XKR9: variants seen among roughly 807,000 people sequenced by gnomAD.
XKR9 encodes XK related 9.
In XKR9, 32 loss-of-function variants were observed where a neutral mutation model predicts 32.0. The observed-to-expected ratio is 1.00, with a 90% CI of 0.76 to 1.34. The LOEUF (loss-of-function observed/expected upper bound fraction) is 1.34, where lower values mean the gene tolerates loss of function less well. Ranked by LOEUF, XKR9 falls within the 40% of genes most tolerant of loss-of-function variation. The pLI is 0.00. For synonymous variants in XKR9, 168 were observed against 143.4 expected (o/e 1.17, Z -1.22); for missense variants, 546 against 429.7 (o/e 1.27, Z -2.39).
At chr8:70,718,187 T>G (rs1035086335) in intron 4 of XKR9, among the ~76,000 whole-genome samples, 2 of 152,188 alleles carry the variant, frequency 1.3e-5, no homozygotes, top group East Asian at 1.9e-4. Context: ...TTTCCTATCT[T>G]CTTCAGAGCC....
chr8:70,778,283 T>A (rs564090264), intron 2 of XKR9, among the ~76,000 whole-genome samples: 3 of 152,202 alleles, frequency 2.0e-5, no homozygotes, highest in Non-Finnish European at 4.4e-5. Flanking sequence ...TTCTGAGGCC[T>A]CTGTTCTGTG....
intron 2 of XKR9, among the ~76,000 whole-genome samples, chr8:70,778,817 G>A (rs1312701491): frequency 6.6e-6 from 1 of 152,188 alleles, no homozygotes; most frequent in Non-Finnish European, 1.5e-5. Flanking sequence ...AGACTTTGCT[G>A]ACGTTGCTTA....
Position 70,733,892 on chromosome 8 carries a change from A to G in XKR9, c.590A>G (p.Asn197Ser). The change falls in exon 5 of 5, where the codon AAT becomes AGT. Residue 197 changes from asparagine (N) to serine (S), a missense_variant. Coordinates refer to ENST00000408926, the MANE Select transcript of XKR9 (RefSeq NM_001011720.2). ...RKSLPDKKLLNGLCPKITYLF... is the reference protein window; with the variant it reads ...RKSLPDKKLLSGLCPKITYLF... Reference sequence around the variant, plus strand: ...TCCTTGCCTGACAAAAAGCTTCTTAATGGATTATGTCCCAAAATCACATAT... The same window carrying G: ...TCCTTGCCTGACAAAAAGCTTCTTAGTGGATTATGTCCCAAAATCACATAT... The G allele has an allele frequency of 6.2e-7, 1 of 1,612,168 alleles. No individual in the cohort carries two copies. Among genetic ancestry groups the G allele is most frequent in the South Asian group, 1.1e-5 (1 of 90,148 alleles).
chr8:70,821,433 A>T, the XKR9 span, among the ~76,000 whole-genome samples: 12 of 152,260 alleles, frequency 7.9e-5, no homozygotes, highest in East Asian at 2.1e-3. Flanking sequence ...TGTCTGGAGG[A>T]TGGTGACTCT....
chr8:70,981,911 T>G, the XKR9 span, among the ~76,000 whole-genome samples: 1 of 152,242 alleles, frequency 6.6e-6, no homozygotes, highest in African/African-American at 2.4e-5. Flanking sequence ...GCTTTTGGTC[T>G]TCTGGGTCTA....
At chr8:70,822,599 G>A in the XKR9 span, among the ~76,000 whole-genome samples, 1 of 150,972 alleles carries the variant, frequency 6.6e-6, no homozygotes. Context: ...AAAAGCAATA[G>A]GTTCAGATTT....
At chr8:70,988,383 A>G in the XKR9 span, among the ~76,000 whole-genome samples, 11 of 152,218 alleles carry the variant, frequency 7.2e-5, no homozygotes, top group African/African-American at 2.6e-4. Context: ...CAAATAAAAC[A>G]AAATAAATAA....
the XKR9 span, among the ~76,000 whole-genome samples, chr8:70,978,281 T>A: frequency 6.6e-6 from 1 of 152,200 alleles, no homozygotes; most frequent in African/African-American, 2.4e-5. Flanking sequence ...GCCATTATGA[T>A]GTTAGCTGGT....
At chr8:70,984,261 C>A in the XKR9 span, among the ~76,000 whole-genome samples, 1 of 152,184 alleles carries the variant, frequency 6.6e-6, no homozygotes, top group African/African-American at 2.4e-5. Flanking sequence ...GTAGGCAATT[C>A]TGCTGTCTGC....
At chr8:70,973,670 T>G in the XKR9 span, among the ~76,000 whole-genome samples, 1 of 152,164 alleles carries the variant, frequency 6.6e-6, no homozygotes, top group Non-Finnish European at 1.5e-5. Flanking sequence ...CCACTATTAT[T>G]ACTCAGTTCA....
At chr8:70,789,634 T>C (rs1807737260) in intron 3 of XKR9, among the ~76,000 whole-genome samples, 1 of 152,126 alleles carries the variant, frequency 6.6e-6, no homozygotes, top group South Asian at 2.1e-4. Flanking sequence ...TACACTTTTC[T>C]AAATATTGGC....
At chr8:70,840,908 T>A in the XKR9 span, among the ~76,000 whole-genome samples, 4 of 152,304 alleles carry the variant, frequency 2.6e-5, no homozygotes, top group South Asian at 2.1e-4. Flanking sequence ...AATGGTTATA[T>A]CAAACTGAAA....
chr8:71,016,910 A>G, the XKR9 span, among the ~76,000 whole-genome samples: 1 of 152,194 alleles, frequency 6.6e-6, no homozygotes, highest in East Asian at 1.9e-4. Context: ...AGATATAATT[A>G]ATAGAATGCC....
At chr8:70,673,176 A>G (rs1432676400) in intron 1 of XKR9, among the ~76,000 whole-genome samples, 4 of 152,156 alleles carry the variant, frequency 2.6e-5, no homozygotes, top group African/African-American at 7.2e-5. Flanking sequence ...ATTTTCTTCT[A>G]GTAGTTTTAT....
the XKR9 span, among the ~76,000 whole-genome samples, chr8:70,972,802 T>C: frequency 6.6e-6 from 1 of 152,200 alleles, no homozygotes; most frequent in South Asian, 2.1e-4. Context: ...CCTGCATCCC[T>C]GGTATGAAAC....
the XKR9 span, among the ~76,000 whole-genome samples, chr8:70,821,660 T>A: frequency 6.6e-6 from 1 of 152,216 alleles, no homozygotes; most frequent in Non-Finnish European, 1.5e-5. Context: ...GCCTTCACGA[T>A]CAACATCACA....
the XKR9 span, among the ~76,000 whole-genome samples, chr8:70,903,261 G>C: frequency 1.3e-5 from 2 of 151,998 alleles, no homozygotes; most frequent in Admixed American, 6.6e-5. Context: ...CTGTGAATCC[G>C]TGTGATCCTG....
chr8:70,799,340 AT>A, the XKR9 span, among the ~76,000 whole-genome samples: 1 of 151,502 alleles, frequency 6.6e-6, no homozygotes, highest in Admixed American at 6.6e-5. Context: ...TTATTTATTT[AT>A]TTTTTTTGAG....
the XKR9 span, among the ~76,000 whole-genome samples, chr8:70,964,977 A>G: frequency 6.6e-6 from 1 of 152,108 alleles, no homozygotes; most frequent in African/African-American, 2.4e-5. Flanking sequence ...AGAGCTTTCA[A>G]TACTATGTTG....
Sources: gnomAD v4.1 joint callset for allele counts (sites outside exome capture counted in the v4.1 genomes callset) on GRCh38, gnomAD v4.1.1 for gene constraint, MANE v1.5 for transcripts, NCBI Gene and HGNC (gene_info 2026-07-23, HGNC 2026-07-21) for gene names.